Variants in SUSD4 observed in about 807,000 individuals in gnomAD.
SUSD4 encodes the protein sushi domain containing 4.
In SUSD4, 41 loss-of-function variants were observed where a neutral mutation model predicts 50.5. The observed-to-expected ratio is 0.81, with a 90% CI of 0.63 to 1.05. SUSD4 has a LOEUF of 1.05. Among genes scored for constraint, SUSD4 ranks in the 50% least tolerant of loss-of-function variants. The pLI, the probability that SUSD4 is intolerant of heterozygous loss-of-function variation, is 0.00. For missense variants in SUSD4, 580 were observed against 634.7 expected, an observed-to-expected ratio of 0.91 and a Z score of 0.93; for synonymous variants, 257 against 257.3, an observed-to-expected ratio of 1.00 and a Z score of 0.01.
At chr1:223,300,647 AG>A (rs1218771550) in intron 2 of SUSD4, among the ~76,000 whole-genome samples, 4 of 151,898 alleles carry the variant, frequency 2.6e-5, no homozygotes, top group South Asian at 4.1e-4. Context: ...CTTTGGAGGA[AG>A]AAAAAGGATA....
At chr1:223,250,109 T>C (rs746997743) in intron 5 of SUSD4, among the ~76,000 whole-genome samples, 28 of 152,272 alleles carry the variant, frequency 1.8e-4, no homozygotes, top group Admixed American at 2.6e-4. Context: ...GGCATTTTAC[T>C]TTCTCATCTT....
intron 7 of SUSD4, 141 bp from the exon 8 acceptor site, chr1:223,223,772 C>G: frequency 9.2e-7 from 1 of 1,083,402 alleles, no homozygotes. Flanking sequence ...ATGGAAGAAC[C>G]AGCCTCCTTT....
In SUSD4 at chr1:223,229,313, C is replaced by T. The variant is rs867759201; in HGVS notation, c.800G>A (p.Gly267Glu). 6.2e-7 allele frequency: 1 copy of T among 1,612,732 alleles called. No individual in the cohort carries two copies. The highest frequency in any genetic ancestry group is 8.5e-7 in the Non-Finnish European group (1 of 1,178,942). ...HPRPCERYNH[G>E]TVVEFYCDPG... is the part of the protein sequence containing the mutation. The stretch of plus-strand genomic sequence containing the variant: ...ATCGCAGTAAAACTCCACCACAGTT[C>T]CGTGGTTGTAGCGCTCACAAGGCCG... Residue 267 changes from glycine (G) to glutamate (E), a missense_variant, in exon 6 of 9, where the codon GGA becomes GAA. Physicochemically the swap from Gly to Glu is moderately conservative, Grantham distance 98. Transcript: ENST00000366878. The surrounding 1 kb of genome is among the most constrained non-coding windows in gnomAD (Gnocchi z 4.7).
intron 8 of SUSD4, 102 bp from the exon 9 acceptor site, chr1:223,222,322 T>G: frequency 8.0e-7 from 1 of 1,255,880 alleles, no homozygotes; most frequent in Non-Finnish European, 1.1e-6. Flanking sequence ...CTCAAATCAG[T>G]GAGGAGAAGA....
intron 5 of SUSD4, among the ~76,000 whole-genome samples, chr1:223,244,346 G>A (rs1033826454): frequency 1.1e-4 from 17 of 152,194 alleles, no homozygotes; most frequent in African/African-American, 3.9e-4. Context: ...GCTGCCATGT[G>A]CACCCTATGT....
intron 5 of SUSD4, among the ~76,000 whole-genome samples, chr1:223,251,896 A>C (rs1661336760): frequency 6.6e-6 from 1 of 152,036 alleles, no homozygotes; most frequent in African/African-American, 2.4e-5. Context: ...CTATTTCTCC[A>C]CATCCTCTCC....
intron 2 of SUSD4, among the ~76,000 whole-genome samples, chr1:223,355,452 C>T (rs1304501432): frequency 6.6e-6 from 1 of 152,116 alleles, no homozygotes; most frequent in African/African-American, 2.4e-5. Context: ...CTCCTGGGCT[C>T]AAGTGATCCA....
In SUSD4 at chr1:223,229,264, G is replaced by A; in HGVS notation, c.849C>T (p.Asp283=). Residue 283 remains aspartate, a synonymous_variant, in exon 6 of 9, where the codon GAC becomes GAT. Coordinates refer to ENST00000366878, the MANE Select transcript of SUSD4 (RefSeq NM_017982.4). This position sits in a 1 kb window ranked among gnomAD's most constrained non-coding sequence, Gnocchi z 4.7. The part of the protein sequence containing the change: ...YCDPGYSLTS[D]YKYITCQYGE... ...CATACTGGCAGGTGATGTACTTGTAGTCGCTGGTGAGGCTGTAGCCAGGAT... is the reference window on the plus strand; with the variant it reads ...CATACTGGCAGGTGATGTACTTGTAATCGCTGGTGAGGCTGTAGCCAGGAT... The A allele has an allele frequency of 1.9e-6, 3 of 1,613,270 alleles. No homozygotes were observed. The highest frequency in any genetic ancestry group is 2.5e-6 in the Non-Finnish European group (3 of 1,179,266).
chr1:223,253,590 A>T (rs772211204), intron 5 of SUSD4, among the ~76,000 whole-genome samples: 1 of 152,064 alleles, frequency 6.6e-6, no homozygotes, highest in Non-Finnish European at 1.5e-5. Flanking sequence ...ATGACCCCAA[A>T]CACCCTGCCG....
chr1:223,331,316 C>G (rs2103271557), intron 2 of SUSD4, among the ~76,000 whole-genome samples: 1 of 152,308 alleles, frequency 6.6e-6, no homozygotes, highest in East Asian at 1.9e-4. Context: ...CACAGAGAGA[C>G]CTGCTCCTTA....
rs1246603683 is a variant in SUSD4, at chr1:223,332,239, G to A, written c.148+31039C>T. 2.0e-5 allele frequency among the ~76,000 whole-genome samples: 3 copies of A among 152,194 alleles called. No individual in the cohort carries two copies. Among genetic ancestry groups the A allele is most frequent in the African/African-American group, 7.2e-5 (3 of 41,448 alleles). On this transcript the variant is annotated intron_variant, in intron 2 of 8. Transcript: ENST00000366878. The surrounding 1 kb of genome is among the most constrained non-coding windows in gnomAD (Gnocchi z 4.0). Reference sequence around the variant, plus strand: ...GTGGTTCATAAAATATTTGGAGGGTGCTAGTAGGAAGCATGGCTAGGCTAC... The same window carrying A: ...GTGGTTCATAAAATATTTGGAGGGTACTAGTAGGAAGCATGGCTAGGCTAC...
chr1:223,312,733 T>C (rs1294386247), intron 2 of SUSD4, among the ~76,000 whole-genome samples: 1 of 152,208 alleles, frequency 6.6e-6, no homozygotes, highest in Non-Finnish European at 1.5e-5. Flanking sequence ...GCCCTGAGGC[T>C]GGGCTCCCTC....
chr1:223,313,246 G>C (rs1665984104), intron 2 of SUSD4, among the ~76,000 whole-genome samples: 2 of 152,082 alleles, frequency 1.3e-5, no homozygotes, highest in South Asian at 4.1e-4. Context: ...CAAGGAGAGG[G>C]GGCATGCAGA....
chr1:223,288,982 C>T (rs1664314934), intron 3 of SUSD4: 2 of 566,558 alleles, frequency 3.5e-6, no homozygotes, highest in Admixed American at 6.3e-5. Context: ...TCTTGCTTCA[C>T]CTCTGTCTTT....
chr1:223,275,913 C>G (rs1200647993), intron 3 of SUSD4, among the ~76,000 whole-genome samples: 3 of 152,210 alleles, frequency 2.0e-5, no homozygotes, highest in East Asian at 3.9e-4. Context: ...CTAATCCGCG[C>G]AAGCTGGGGC....
At chr1:223,361,679 A>G (rs1307969700) in intron 2 of SUSD4, among the ~76,000 whole-genome samples, 1 of 152,206 alleles carries the variant, frequency 6.6e-6, no homozygotes, top group Non-Finnish European at 1.5e-5. Flanking sequence ...AACAATAGTC[A>G]AGACAAATGT....
chr1:223,298,605 G>C (rs529745272), intron 2 of SUSD4, among the ~76,000 whole-genome samples: 2 of 152,272 alleles, frequency 1.3e-5, no homozygotes, highest in African/African-American at 4.8e-5. Context: ...GATAGGTACA[G>C]AACCCTCAGA....
intron 2 of SUSD4, among the ~76,000 whole-genome samples, chr1:223,339,622 T>C (rs1361487692): frequency 6.6e-6 from 1 of 152,184 alleles, no homozygotes. Flanking sequence ...GAGCCACCCA[T>C]CAGAATCTCA....
In SUSD4 at chr1:223,227,656, C is replaced by T; in HGVS notation, c.999G>A (p.Val333=). ...TCCTGGCCAGGATGACGAGCAGCAG[C>T]ACCAGCAGCACACTGGTTGCCGTGA... ...VAFTATSVLL[V]LLLVILARMF... is the part of the protein sequence containing the mutation. The change falls in exon 7 of 9, where the codon GTG becomes GTA. Residue 333 remains valine (V), a synonymous_variant. Coordinates refer to ENST00000366878, the MANE Select transcript of SUSD4 (RefSeq NM_017982.4). This position sits in a 1 kb window ranked among gnomAD's most constrained non-coding sequence, Gnocchi z 4.5. 6 of 1,613,910 alleles carry T rather than the reference C, an allele frequency of 3.7e-6. No homozygotes were observed. The highest frequency in any genetic ancestry group is 5.1e-6 in the Non-Finnish European group (6 of 1,179,946).
Sources: allele counts gnomAD v4.1 joint callset (sites outside exome capture counted in the v4.1 genomes callset), GRCh38; gene constraint gnomAD v4.1.1; non-coding constraint Gnocchi (gnomAD v3.1); transcripts MANE v1.5; gene names NCBI Gene and HGNC (gene_info 2026-07-23, HGNC 2026-07-21).